Variants in STK3 observed in about 807,000 individuals in gnomAD.
STK3 encodes the protein serine/threonine kinase 3.
Under a neutral mutation model 58.0 loss-of-function variants are expected in STK3, and 41 were observed. That is an observed-to-expected ratio of 0.71 (90% CI 0.55 to 0.92). STK3 has a LOEUF of 0.92. STK3 is among the 40% of genes least tolerant of loss of function. The probability of loss-of-function intolerance (pLI) is 0.00; values close to 1 mark genes in which losing one functional copy is unlikely to be tolerated. For missense variants in STK3, 479 were observed against 602.7 expected (o/e 0.79, Z 2.15); for synonymous variants, 170 against 191.0 (o/e 0.89, Z 0.91).
At chr8:98,813,019 A>T (rs1834321311) in intron 1 of STK3, among the ~76,000 whole-genome samples, 1 of 136,508 alleles carries the variant, frequency 7.3e-6, no homozygotes, top group Non-Finnish European at 1.6e-5. Flanking sequence ...CATGTACCCT[A>T]GAACTTAAAG....
chr8:98,780,929 T>C (rs191011506), intron 1 of STK3, among the ~76,000 whole-genome samples: 224 of 152,248 alleles, frequency 1.5e-3, no homozygotes, highest in African/African-American at 5.1e-3. Context: ...AAGAAGGTAA[T>C]ATTTGGCTAC....
At position 98,902,611 on chromosome 8, in the gene STK3, G is replaced by A. The variant is rs745900111; in HGVS notation, c.-78-18777C>T. Among the ~76,000 whole-genome samples the A allele has an allele frequency of 4.6e-5, 7 of 152,214 alleles. No homozygotes were observed. In the East Asian group the frequency reaches 5.8e-4, roughly 13 times the overall value. On this transcript the variant is annotated intron_variant, in intron 1 of 1. Transcript: ENST00000519420. The stretch of plus-strand genomic sequence containing the variant: ...TTTCTTGTGTCTTCCCACTGTCACC[G>A]TCCTGGCCCAAGCCTTCTCTTCTGA...
intron 1 of STK3, among the ~76,000 whole-genome samples, chr8:98,775,878 A>C (rs1831643104): frequency 6.6e-6 from 1 of 152,252 alleles, no homozygotes; most frequent in African/African-American, 2.4e-5. Context: ...TATGGTGCTC[A>C]TGAAACAAGC....
chr8:98,526,949 A>T, intron 9 of STK3, 32 bp from the exon 10 acceptor site: 1 of 1,445,598 alleles, frequency 6.9e-7, no homozygotes, highest in South Asian at 1.6e-5. Context: ...AGGAAGGTAT[A>T]AGTTCTTACA....
chr8:98,583,165 A>G (rs1176226732), intron 7 of STK3, among the ~76,000 whole-genome samples: 1 of 151,962 alleles, frequency 6.6e-6, no homozygotes, highest in East Asian at 1.9e-4. Context: ...TTATTAGGTT[A>G]ATTTCACTTT....
intron 1 of STK3, among the ~76,000 whole-genome samples, chr8:98,934,398 G>C (rs186199902): frequency 6.6e-6 from 1 of 152,066 alleles, no homozygotes; most frequent in Non-Finnish European, 1.5e-5. Context: ...TTCCAAGTCC[G>C]ACCCACCTTC....
At chr8:98,399,672 A>G (rs2131024032), downstream of STK3, among the ~76,000 whole-genome samples, 1 of 152,348 alleles carries the variant, frequency 6.6e-6, no homozygotes, top group Non-Finnish European at 1.5e-5. Context: ...AGAAGATCAA[A>G]GGGGTGATTC....
intron 3 of STK3, among the ~76,000 whole-genome samples, chr8:98,838,988 TTGTG>T (rs35564732): frequency 2.8e-3 from 409 of 145,044 alleles, no homozygotes; most frequent in East Asian, 7.9e-3. Flanking sequence ...TTTGTTTGTT[TTGTG>T]TGTGTGTGTG....
chr8:98,639,683 T>G (rs1478542118), intron 6 of STK3, among the ~76,000 whole-genome samples: 4 of 152,238 alleles, frequency 2.6e-5, no homozygotes, highest in Non-Finnish European at 5.9e-5. Context: ...TTCATTATGC[T>G]TTTACAATCA....
At chr8:98,888,467 A>G (rs2079553254) in intron 1 of STK3, among the ~76,000 whole-genome samples, 1 of 152,186 alleles carries the variant, frequency 6.6e-6, no homozygotes, top group Non-Finnish European at 1.5e-5. Flanking sequence ...CCTGATTTAT[A>G]GGGCCAAGGT....
chr8:98,630,771 G>GGAGAAGAAC (rs1819152535), intron 6 of STK3, among the ~76,000 whole-genome samples: 1 of 150,848 alleles, frequency 6.6e-6, no homozygotes, highest in African/African-American at 2.5e-5. Context: ...AGAACAAGAA[G>GGAGAAGAAC]AAGAAGAGGA....
upstream of STK3, chr8:98,825,800 C>CAG (rs1835246352): frequency 1.5e-5 from 1 of 65,314 alleles, no homozygotes; most frequent in Non-Finnish European, 3.4e-5. Context: ...CCCCGGCCGC[C>CAG]CCGCCCCGCC....
At chr8:98,347,242 C>T in the STK3 span, among the ~76,000 whole-genome samples, 10 of 151,986 alleles carry the variant, frequency 6.6e-5, no homozygotes, top group East Asian at 3.9e-4. Context: ...TGGCCGGGCA[C>T]GGTGGCTCAC....
intron 2 of STK3, among the ~76,000 whole-genome samples, chr8:98,769,381 A>C (rs1171902625): frequency 2.0e-5 from 3 of 152,140 alleles, no homozygotes; most frequent in Non-Finnish European, 4.4e-5. Context: ...TGGGTCTCAC[A>C]AGATCTGATG....
chr8:98,726,087 A>C (rs1827774435), intron 4 of STK3, among the ~76,000 whole-genome samples: 1 of 152,232 alleles, frequency 6.6e-6, no homozygotes, highest in Admixed American at 6.5e-5. Flanking sequence ...AGAAGGGCTC[A>C]CTACAGATCT....
rs765375353 is a variant in STK3, at chr8:98,905,645, A to G, written c.-78-21811T>C. Reference sequence around the variant, plus strand: ...CTCCTGCTCTGTGGCCTCCTGGGGCAGGTTTCTGATGAACAGCTTCATCAT... The same window carrying G: ...CTCCTGCTCTGTGGCCTCCTGGGGCGGGTTTCTGATGAACAGCTTCATCAT... On this transcript the variant is annotated intron_variant, in intron 1 of 1. Coordinates refer to the STK3 transcript ENST00000519420. 18 of 814,448 alleles carry G rather than the reference A, an allele frequency of 2.2e-5. No individual in the cohort carries two copies. The African/African-American group carries it at 2.7e-4, about 12-fold the overall frequency. 50.5% of individuals were successfully genotyped at this position (814,448 alleles called of 1,614,324 possible).
chr8:98,893,548 GAA>G (rs1483808600), intron 1 of STK3, among the ~76,000 whole-genome samples: 2 of 143,454 alleles, frequency 1.4e-5, no homozygotes, highest in Non-Finnish European at 3.1e-5. Flanking sequence ...AAAAGAAAGA[GAA>G]AGAGAAAGAG....
At chr8:98,632,157 C>T (rs1038123930) in intron 6 of STK3, among the ~76,000 whole-genome samples, 3 of 152,044 alleles carry the variant, frequency 2.0e-5, no homozygotes, top group African/African-American at 4.8e-5. Context: ...CCATAAACCT[C>T]GCAAAGAGAC....
intron 10 of STK3, among the ~76,000 whole-genome samples, chr8:98,512,771 T>G (rs1824619253): frequency 6.6e-6 from 1 of 152,192 alleles, no homozygotes; most frequent in Admixed American, 6.5e-5. Context: ...ATAACTTGTA[T>G]TAAAATTTCG....
Sources: gnomAD v4.1 joint callset for allele counts (sites outside exome capture counted in the v4.1 genomes callset) on GRCh38, gnomAD v4.1.1 for gene constraint, MANE v1.5 for transcripts, NCBI Gene and HGNC (gene_info 2026-07-23, HGNC 2026-07-21) for gene names.